NUFIP1: variants seen among roughly 807,000 people sequenced by gnomAD.
NUFIP1 encodes FMR1-interacting protein NUFIP1.
A neutral mutation model predicts 56.2 loss-of-function variants in NUFIP1; 38 were observed. That is an observed-to-expected ratio of 0.68 (90% confidence interval 0.52 to 0.89). The LOEUF is 0.89. Among genes scored for constraint, NUFIP1 ranks in the 40% least tolerant of loss-of-function variants. The pLI, the probability that NUFIP1 is intolerant of heterozygous loss-of-function variation, is 0.00. For missense variants in NUFIP1, 567 were observed against 605.8 expected, an observed-to-expected ratio of 0.94 and a Z score of 0.67; for synonymous variants, 215 against 212.4, an observed-to-expected ratio of 1.01 and a Z score of -0.10.
At chr13:44,983,310 G>A (rs1259655551) in intron 1 of NUFIP1, among the ~76,000 whole-genome samples, 1 of 152,084 alleles carries the variant, frequency 6.6e-6, no homozygotes, top group African/African-American at 2.4e-5. Flanking sequence ...CGAGTAGCTG[G>A]GATTACAGGC....
intron 9 of NUFIP1, among the ~76,000 whole-genome samples, chr13:44,942,837 A>C (rs1870786803): frequency 6.6e-6 from 1 of 152,104 alleles, no homozygotes; most frequent in South Asian, 2.1e-4. Flanking sequence ...ATGGTAGTGC[A>C]TGCCCATAGT....
Position 44,973,049 on chromosome 13 carries a change from T to C in NUFIP1, c.734+6141A>G, listed in dbSNP as rs530722128. Among the ~76,000 whole-genome samples, 24 of 152,368 alleles carry C rather than the reference T, an allele frequency of 1.6e-4. No individual in the cohort carries two copies. The South Asian group carries it at 4.3e-3, about 28-fold the overall frequency. ...ATTAGAAAATCAAACTAGTCTTCTATCAGGAACTTTAAATAAATACATGCT... is the reference window on the plus strand; with the variant it reads ...ATTAGAAAATCAAACTAGTCTTCTACCAGGAACTTTAAATAAATACATGCT... On this transcript the variant is annotated intron_variant, in intron 5 of 9. Transcript: ENST00000379161.
At chr13:44,947,589 A>T (rs1387156051) in intron 8 of NUFIP1, among the ~76,000 whole-genome samples, 1 of 152,158 alleles carries the variant, frequency 6.6e-6, no homozygotes, top group Non-Finnish European at 1.5e-5. Flanking sequence ...AGGTGATCTC[A>T]AAGATCCCTT....
At chr13:44,988,333 T>A (rs999998981) in intron 1 of NUFIP1, among the ~76,000 whole-genome samples, 2 of 152,122 alleles carry the variant, frequency 1.3e-5, no homozygotes, top group African/African-American at 4.8e-5. Flanking sequence ...GGCATGAGAA[T>A]TGCTTGAACT....
intron 6 of NUFIP1, 36 bp downstream of exon 6, chr13:44,965,808 G>T: frequency 1.6e-6 from 2 of 1,259,654 alleles, no homozygotes; most frequent in Non-Finnish European, 1.1e-6. Context: ...TTTGTTTTGT[G>T]CTCCTTTTCA....
rs181193736 is a variant in NUFIP1, at chr13:44,951,510, T to C, written c.1022-1672A>G. ...GCTAGAATGCTTCCCACAGACAAAG[T>C]CTTCTTAAAATGAAGCCATCCTATC... On this transcript the variant is annotated intron_variant, in intron 7 of 9. Coordinates refer to ENST00000379161, the MANE Select transcript of NUFIP1 (RefSeq NM_012345.3). Among the ~76,000 whole-genome samples the C allele has an allele frequency of 1.8e-4, 28 of 152,320 alleles. No homozygotes were observed. The East Asian group carries it at 5.2e-3, about 28-fold the overall frequency.
chr13:44,948,956 A>G (rs1036852280), intron 8 of NUFIP1, among the ~76,000 whole-genome samples: 1 of 152,184 alleles, frequency 6.6e-6, no homozygotes, highest in Non-Finnish European at 1.5e-5. Context: ...TTTCCAAATG[A>G]GATAATTTAT....
At chr13:44,969,772 A>T (rs59802583) in intron 5 of NUFIP1, among the ~76,000 whole-genome samples, 41 of 152,308 alleles carry the variant, frequency 2.7e-4, no homozygotes, top group African/African-American at 9.4e-4. Context: ...AGCACAGACC[A>T]TTCTGGTCAC....
chr13:44,943,458 G>C lies in NUFIP1; in HGVS notation c.1355C>G (p.Pro452Arg). 2 of 1,613,380 alleles carry C rather than the reference G, an allele frequency of 1.2e-6. No homozygotes were observed. The highest frequency in any genetic ancestry group is 1.7e-6 in the Non-Finnish European group (2 of 1,179,538). The change falls in exon 9 of 10, where the codon CCA (proline) becomes CGA (arginine). Residue 452 changes from proline to arginine, a missense_variant. Coordinates refer to ENST00000379161, the MANE Select transcript of NUFIP1 (RefSeq NM_012345.3). ...ATAATTTACCATTTCCAAGAGATAT[G>C]GATGGTGTGTTCTTGGTTCGAATAA... is the stretch of plus-strand genomic sequence containing the variant. ...QTLFEPRTHH[P>R]YLLEMLLAPD...
At chr13:44,942,204 A>G (rs1870763817) in intron 9 of NUFIP1, among the ~76,000 whole-genome samples, 1 of 152,234 alleles carries the variant, frequency 6.6e-6, no homozygotes, top group East Asian at 1.9e-4. Flanking sequence ...AAAACTTCCA[A>G]CATTCCTTGA....
At chr13:44,966,717 T>TCTGTCTCACAGAAAAAAAAA (rs1169277113) in intron 5 of NUFIP1, among the ~76,000 whole-genome samples, 1 of 152,056 alleles carries the variant, frequency 6.6e-6, no homozygotes, top group African/African-American at 2.4e-5. Flanking sequence ...CTCATGCCTG[T>TCTGTCTCACAGAAAAAAAAA]AATCCCAGCA....
At chr13:44,949,596 T>C (rs1871017294) in intron 8 of NUFIP1, 126 bp downstream of exon 8, 1 of 623,260 alleles carries the variant, frequency 1.6e-6, no homozygotes, top group Non-Finnish European at 2.8e-6. Context: ...TACTTCTGAT[T>C]CAAATGGAAA....
At chr13:44,941,914 C>CTT (rs200139296) in intron 9 of NUFIP1, among the ~76,000 whole-genome samples, 4 of 146,768 alleles carry the variant, frequency 2.7e-5, no homozygotes, top group East Asian at 2.0e-4. Context: ...GTCTGCGATT[C>CTT]TTTTTTTTTT....
chr13:44,950,908 A>G (rs1324975146), intron 7 of NUFIP1, among the ~76,000 whole-genome samples: 1 of 152,144 alleles, frequency 6.6e-6, no homozygotes, highest in Non-Finnish European at 1.5e-5. Flanking sequence ...TAATTAACCA[A>G]CTCAACCTAA....
chr13:44,965,898 T>C lies in NUFIP1; in HGVS notation c.773A>G (p.Lys258Arg). 1 of 1,601,772 alleles carries C rather than the reference T, an allele frequency of 6.2e-7. No homozygotes were observed. The highest frequency in any genetic ancestry group is 1.1e-5 in the South Asian group (1 of 88,486). Reference protein sequence around the residue: ...PTLANIERKKKLKLEKEKRGA... With the variant: ...PTLANIERKKRLKLEKEKRGA... ...TCTCTTCTCCTTTTCAAGTTTTAAC[T>C]TCTTCTTCCTTTCAATATTGGCCAG... is the stretch of plus-strand genomic sequence containing the variant. Residue 258 changes from lysine to arginine, a missense_variant, in exon 6 of 10, where the codon AAG becomes AGG. Physicochemically the swap from Lys to Arg is conservative, Grantham distance 26. Transcript: ENST00000379161.
At chr13:44,986,797 A>T (rs1342348183) in intron 1 of NUFIP1, among the ~76,000 whole-genome samples, 1 of 152,136 alleles carries the variant, frequency 6.6e-6, no homozygotes, top group Non-Finnish European at 1.5e-5. Flanking sequence ...TGAGGAAAGA[A>T]AGTGCTTTTT....
chr13:44,965,162 T>C (rs1871554374), intron 6 of NUFIP1, among the ~76,000 whole-genome samples: 1 of 152,116 alleles, frequency 6.6e-6, no homozygotes, highest in South Asian at 2.1e-4. Flanking sequence ...CTGATGGTTT[T>C]AAAAAGGGGA....
rs748707631 is a variant in NUFIP1, at chr13:44,949,714, T to C, written c.1138+8A>G. ...CAAAACCCTGTAACAACACACACCA[T>C]GACTTACCTTCTGGCTCACTCTCTG... On this transcript the variant is annotated splice_region_variant and intron_variant, in intron 8 of 9. Transcript: ENST00000379161. The C allele has an allele frequency of 6.4e-7, 1 of 1,566,724 alleles. No homozygotes were observed. The highest frequency in any genetic ancestry group is 8.7e-7 in the Non-Finnish European group (1 of 1,147,742).
At chr13:44,979,855 T>C in intron 4 of NUFIP1, 35 bp downstream of exon 4, 2 of 1,443,800 alleles carry the variant, frequency 1.4e-6, no homozygotes, top group Non-Finnish European at 1.9e-6. Flanking sequence ...AAAAAGAGCA[T>C]GTATTTAAAA....
Sources: gnomAD v4.1 joint callset for allele counts (sites outside exome capture counted in the v4.1 genomes callset) on GRCh38, gnomAD v4.1.1 for gene constraint, MANE v1.5 for transcripts, NCBI Gene and HGNC (gene_info 2026-07-23, HGNC 2026-07-21) for gene names.